The following POLR1A variants were observed in gnomAD, a reference collection of about 807,000 sequenced individuals.
POLR1A encodes RNA polymerase I subunit A.
In POLR1A, 84 loss-of-function variants were observed where a neutral mutation model predicts 205.3. The ratio of observed to expected loss-of-function variants is 0.41; its 90% CI spans 0.34 to 0.49. The LOEUF (loss-of-function observed/expected upper bound fraction) is 0.49. Ranked by LOEUF, POLR1A falls within the 20% of genes least tolerant of loss-of-function variation. The probability of loss-of-function intolerance (pLI) is 0.22; values close to 1 mark genes in which losing one functional copy is unlikely to be tolerated. For synonymous variants in POLR1A, 799 were observed against 863.7 expected, an observed-to-expected ratio of 0.93 and a Z score of 1.31; for missense variants, 1,645 against 2,204.5, an observed-to-expected ratio of 0.75 and a Z score of 5.08.
intron 14 of POLR1A, among the ~76,000 whole-genome samples, chr2:86,059,765 C>T (rs1474605887): frequency 2.0e-5 from 3 of 152,112 alleles, no homozygotes; most frequent in Non-Finnish European, 4.4e-5. Flanking sequence ...GGGGTTTTGC[C>T]ATATTGGCCA....
chr2:86,100,140 C>T lies in POLR1A; in HGVS notation c.110G>A (p.Arg37Gln), dbSNP rs758920155. ...KLSVKSITNPRYLDSLGNPSA... is the reference protein window; with the variant it reads ...KLSVKSITNPQYLDSLGNPSA... ...TGGGTTCCCCAGGCTGTCCAGGTAT[C>T]GAGGGTTCGTAATGGATTTAACACT... Residue 37 changes from arginine (R) to glutamine (Q), a missense_variant, in exon 2 of 34, where the codon CGA becomes CAA. Arg to Gln is a conservative substitution (Grantham distance 43, BLOSUM62 1). Coordinates refer to ENST00000263857, the MANE Select transcript of POLR1A (RefSeq NM_015425.6). The T allele has an allele frequency of 1.1e-5, 18 of 1,614,052 alleles. No individual in the cohort carries two copies. Among genetic ancestry groups the T allele is most frequent in the Middle Eastern group, 3.3e-4 (2 of 6,060 alleles).
chr2:86,078,374 GACAACT>G, intron 9 of POLR1A, 90 bp from the exon 10 acceptor site: 1 of 973,814 alleles, frequency 1.0e-6, no homozygotes, highest in East Asian at 2.5e-5. Context: ...CCCTGGATCT[GACAACT>G]ATGCACTCTG....
intron 10 of POLR1A, 45 bp downstream of exon 10, chr2:86,078,069 A>G: frequency 6.2e-7 from 1 of 1,612,322 alleles, no homozygotes. Flanking sequence ...AATGTTTATT[A>G]TTTATCTTCT....
At chr2:86,087,757 G>A (rs201401510) in intron 6 of POLR1A, among the ~76,000 whole-genome samples, 4 of 15,420 alleles carry the variant, frequency 2.6e-4, no homozygotes, top group Admixed American at 1.5e-3. Context: ...TGGCCAGGCC[G>A]GTCTTGAACT....
At position 86,033,608 on chromosome 2, in the gene POLR1A, C is replaced by T. The variant is rs931368231; in HGVS notation, c.4161+53G>A. 5.0e-6 allele frequency: 8 copies of T among 1,590,666 alleles called. No homozygotes were observed. In the African/African-American group the frequency reaches 8.1e-5, roughly 16 times the overall value. ...ACAGAGAATAGGCACAGAGCCTGCC[C>T]AGTCTGGGGGCTGTCCCTGTGCAAC... On this transcript the variant is annotated intron_variant, in intron 28 of 33. Coordinates refer to ENST00000263857, the MANE Select transcript of POLR1A (RefSeq NM_015425.6).
chr2:86,081,597 T>C lies in POLR1A; in HGVS notation c.923+4A>G, dbSNP rs1200223870. ...GGTGAAATAAGTTAATTAAAGGGTA[T>C]TACCTTGAGGGCGGCACCACCAAGA... is the stretch of plus-strand genomic sequence containing the variant. On this transcript the variant is annotated splice_donor_region_variant and intron_variant, in intron 8 of 33. Coordinates refer to ENST00000263857, the MANE Select transcript of POLR1A (RefSeq NM_015425.6). 1.9e-6 allele frequency: 3 copies of C among 1,554,336 alleles called. No homozygotes were observed. The highest frequency in any genetic ancestry group is 1.4e-5 in the African/African-American group (1 of 72,350).
At chr2:86,047,298 C>T in intron 18 of POLR1A, 35 bp from the exon 19 acceptor site, 1 of 1,415,982 alleles carries the variant, frequency 7.1e-7, no homozygotes, top group African/African-American at 1.4e-5. Flanking sequence ...TCAGTGACTT[C>T]ACCTTCTTTA....
At chr2:86,043,308 G>A in intron 22 of POLR1A, 113 bp from the exon 23 acceptor site, 1 of 820,354 alleles carries the variant, frequency 1.2e-6, no homozygotes. Flanking sequence ...GGTGGCTGGT[G>A]TGGAGCCCTC....
In POLR1A at chr2:86,021,735, G is replaced by C. The variant is rs1690141794; in HGVS notation, c.*5688C>G. On this transcript the variant is annotated 3_prime_UTR_variant, in exon 34 of 34. Coordinates refer to ENST00000263857, the MANE Select transcript of POLR1A (RefSeq NM_015425.6). ...CTTAGGGTGCCTGGGACACAGTGGA[G>C]ATCAAGGTTGGATGGATGCAGCATG... 6.6e-6 allele frequency: 1 copy of C among 152,400 alleles called. No individual in the cohort carries two copies. Among genetic ancestry groups the C allele is most frequent in the East Asian group, 1.9e-4 (1 of 5,200 alleles). 9.4% of individuals were successfully genotyped at this position (152,400 alleles called of 1,614,324 possible). A position where few individuals can be genotyped will look rare whatever the true frequency, so the allele number is the denominator to read the frequency against.
chr2:86,030,712 C>T (rs929557042), intron 30 of POLR1A, among the ~76,000 whole-genome samples: 7 of 152,200 alleles, frequency 4.6e-5, no homozygotes, highest in Admixed American at 2.0e-4. Context: ...CGTTGTTTCA[C>T]GCGTGCAATC....
intron 21 of POLR1A, 31 bp from the exon 22 acceptor site, chr2:86,044,335 C>T (rs200922741): frequency 2.0e-5 from 32 of 1,612,604 alleles, no homozygotes; most frequent in East Asian, 4.5e-5. Flanking sequence ...CAGTCCCCGC[C>T]GGCCCATCAC....
chr2:86,065,641 C>A, intron 13 of POLR1A, 176 bp from the exon 14 acceptor site: 1 of 612,260 alleles, frequency 1.6e-6, no homozygotes, highest in Non-Finnish European at 2.9e-6. Flanking sequence ...TCCCAAAGCA[C>A]ATGACCAGGG....
At position 86,056,216 on chromosome 2, in the gene POLR1A, C is replaced by T. The variant is rs142235165; in HGVS notation, c.2059-1927G>A. On this transcript the variant is annotated intron_variant, in intron 14 of 33. Coordinates refer to ENST00000263857, the MANE Select transcript of POLR1A (RefSeq NM_015425.6). ...CCTGTAATCCCAGCACTTTGAGAGG[C>T]CAAGGCAGGCGGATCACTTAAGGTC... 8.7e-3 allele frequency among the ~76,000 whole-genome samples: 1,321 copies of T among 152,078 alleles called. 20 individuals are homozygous for T. The highest frequency in any genetic ancestry group is 0.03 in the African/African-American group (1,247 of 41,484).
rs369156741 is a variant in POLR1A, at chr2:86,053,002, T to C, written c.2209-2A>G. ...CAGCTCCCCTTCCCTGATGATCACC[T>C]GCAGAGGGCAAGGCCACCAATGCCG... On this transcript the variant is annotated splice_acceptor_variant, in intron 15 of 33. Transcript: ENST00000263857. LOFTEE classifies it high-confidence loss of function. 1.3e-6 allele frequency: 2 copies of C among 1,571,544 alleles called. No individual in the cohort carries two copies. Among genetic ancestry groups the C allele is most frequent in the African/African-American group, 2.7e-5 (2 of 73,266 alleles).
At position 86,070,390 on chromosome 2, in the gene POLR1A, T is replaced by A; in HGVS notation, c.1612-118A>T. On this transcript the variant is annotated intron_variant, in intron 12 of 33. Transcript: ENST00000263857. This position sits in a 1 kb window ranked among gnomAD's most constrained non-coding sequence, Gnocchi z 4.4. ...GCTTTTGTCTCACGTTCTAGTTAAC[T>A]AAATGCAAGGGGAATTTTTCATCTG... is the stretch of plus-strand genomic sequence containing the variant. 5.5e-6 allele frequency: 6 copies of A among 1,092,618 alleles called. No individual in the cohort carries two copies. The highest frequency in any genetic ancestry group is 7.8e-6 in the Non-Finnish European group (6 of 764,452). The allele number at this position is 1,092,618 out of a possible 1,614,324, so 67.7% of individuals were successfully genotyped here.
chr2:86,082,281 A>C (rs887537523), intron 7 of POLR1A, among the ~76,000 whole-genome samples: 1 of 152,146 alleles, frequency 6.6e-6, no homozygotes, highest in Non-Finnish European at 1.5e-5. Context: ...AAGAAACTTC[A>C]CTTGTTTTTA....
intron 1 of POLR1A, among the ~76,000 whole-genome samples, chr2:86,102,749 G>A (rs941642310): frequency 1.4e-4 from 22 of 152,146 alleles, no homozygotes; most frequent in Admixed American, 8.5e-4. Context: ...TACAGGAGTG[G>A]GATGAAGAGT....
At position 86,041,264 on chromosome 2, in the gene POLR1A, T is replaced by TGTGC. The variant is rs1343262144; in HGVS notation, c.3572+621_3572+624dup. 2.0e-4 allele frequency among the ~76,000 whole-genome samples: 29 copies of TGTGC among 144,552 alleles called. 1 individual carries two copies. The highest frequency in any genetic ancestry group is 7.8e-4 in the African/African-American group (29 of 37,130). 94.8% of individuals were successfully genotyped at this position (144,552 alleles called of 152,430 possible). ...CAGTGTCTGTGTGTGTGTGTGTGTG[T>TGTGC]GTGCTGATCTACAGTGTCTGTGTGT... On this transcript the variant is annotated intron_variant, in intron 24 of 33. Coordinates refer to ENST00000263857, the MANE Select transcript of POLR1A (RefSeq NM_015425.6).
At position 86,021,507 on chromosome 2, in the gene POLR1A, T is replaced by G. The variant is rs556631723; in HGVS notation, c.*5916A>C. On this transcript the variant is annotated 3_prime_UTR_variant, in exon 34 of 34. Coordinates refer to ENST00000263857, the MANE Select transcript of POLR1A (RefSeq NM_015425.6). ...ACACCCAAGTACCTCCCCACTGTCC[T>G]CTCCACTCTGTCCTTCCTACAAAGC... 8 of 152,520 alleles carry G rather than the reference T, an allele frequency of 5.2e-5. No individual in the cohort carries two copies. In the East Asian group the frequency reaches 1.5e-3, roughly 29 times the overall value. The allele number at this position is 152,520 out of a possible 1,614,324, so 9.4% of individuals were successfully genotyped here. A position where few individuals can be genotyped will look rare whatever the true frequency, so the allele number is the denominator to read the frequency against.
Sources: gnomAD v4.1 joint callset for allele counts (sites outside exome capture counted in the v4.1 genomes callset) on GRCh38, gnomAD v4.1.1 for gene constraint, Gnocchi (gnomAD v3.1) non-coding constraint, MANE v1.5 for transcripts, NCBI Gene and HGNC (gene_info 2026-07-23, HGNC 2026-07-21) for gene names.